Variants in CTIF observed in about 807,000 individuals in gnomAD.
The protein encoded by CTIF is CBP80/20-dependent translation initiation factor.
In CTIF, 21 loss-of-function variants were observed where a neutral mutation model predicts 66.0. The ratio of observed to expected loss-of-function variants is 0.32; its 90% CI spans 0.23 to 0.46. The LOEUF (loss-of-function observed/expected upper bound fraction) is 0.46. CTIF is among the 20% of genes least tolerant of loss of function. The pLI is 1.00. For synonymous variants in CTIF, 345 were observed against 326.4 expected (o/e 1.06, Z -0.62); for missense variants, 739 against 812.7 (o/e 0.91, Z 1.10).
At chr18:48,730,314 TCTGCGGTGTGAGGGGCCC>T (rs1193522093) in intron 7 of CTIF, among the ~76,000 whole-genome samples, 26 of 94,654 alleles carry the variant, frequency 2.7e-4, no homozygotes, top group Non-Finnish European at 4.3e-4. Flanking sequence ...GTGAGGGGCT[TCTGCGGTGTGAGGGGCCC>T]CTGCGGTGTG....
At chr18:48,580,544 C>CTCACG in intron 1 of CTIF, among the ~76,000 whole-genome samples, 1 of 152,202 alleles carries the variant, frequency 6.6e-6, no homozygotes, top group African/African-American at 2.4e-5. Flanking sequence ...TCTACACATC[C>CTCACG]TGAAGTTTAA....
At chr18:48,637,049 C>T (rs940218573) in intron 3 of CTIF, among the ~76,000 whole-genome samples, 1 of 152,218 alleles carries the variant, frequency 6.6e-6, no homozygotes, top group Admixed American at 6.5e-5. Flanking sequence ...CAGGTACCGA[C>T]ATTGCAGCCC....
chr18:48,630,386 T>G (rs1053365134), intron 2 of CTIF, among the ~76,000 whole-genome samples: 3 of 152,202 alleles, frequency 2.0e-5, no homozygotes, highest in African/African-American at 7.2e-5. Flanking sequence ...AGTTTGAAAT[T>G]TTGATGTAGT....
intron 1 of CTIF, among the ~76,000 whole-genome samples, chr18:48,614,864 G>A (rs530761697): frequency 6.6e-6 from 1 of 152,154 alleles, no homozygotes; most frequent in South Asian, 2.1e-4. Context: ...GTTTGGTTTG[G>A]TTGGTTGGTT....
intron 3 of CTIF, among the ~76,000 whole-genome samples, chr18:48,653,465 G>A (rs1233905419): frequency 6.6e-6 from 1 of 152,146 alleles, no homozygotes; most frequent in African/African-American, 2.4e-5. Context: ...ACTACTCAAT[G>A]AAATAAAAGA....
intron 9 of CTIF, among the ~76,000 whole-genome samples, chr18:48,776,685 C>T (rs958437029): frequency 7.2e-5 from 11 of 152,238 alleles, no homozygotes. Flanking sequence ...CTGTCTGCCT[C>T]GCACAGCCCC....
intron 7 of CTIF, among the ~76,000 whole-genome samples, chr18:48,745,210 C>T (rs1304302212): frequency 6.6e-6 from 1 of 152,090 alleles, no homozygotes; most frequent in African/African-American, 2.4e-5. Flanking sequence ...GGTCCCTCAG[C>T]GTCGGTTTCT....
intron 1 of CTIF, among the ~76,000 whole-genome samples, chr18:48,552,610 A>T (rs1329831517): frequency 6.6e-6 from 1 of 152,142 alleles, no homozygotes; most frequent in Non-Finnish European, 1.5e-5. Context: ...CTCATTCATG[A>T]GGCTCTGCCC....
At chr18:48,636,104 G>A (rs773423716) in intron 2 of CTIF, among the ~76,000 whole-genome samples, 1 of 152,226 alleles carries the variant, frequency 6.6e-6, no homozygotes, top group African/African-American at 2.4e-5. Context: ...GGGGATGTGA[G>A]TGGCAGGGCT....
chr18:48,575,838 C>A (rs1200864897), intron 1 of CTIF, among the ~76,000 whole-genome samples: 2 of 152,260 alleles, frequency 1.3e-5, no homozygotes, highest in African/African-American at 2.4e-5. Flanking sequence ...CCCCGTGCAG[C>A]CTTCTCTCTC....
intron 1 of CTIF, among the ~76,000 whole-genome samples, chr18:48,612,347 T>C (rs1246788603): frequency 6.6e-6 from 1 of 152,224 alleles, no homozygotes; most frequent in African/African-American, 2.4e-5. Flanking sequence ...GCATGGCCTC[T>C]GGACTGGCCC....
intron 7 of CTIF, among the ~76,000 whole-genome samples, chr18:48,753,280 G>A (rs998073070): frequency 2.6e-5 from 4 of 152,200 alleles, no homozygotes; most frequent in African/African-American, 4.8e-5. Flanking sequence ...GTGGTAAAAT[G>A]TCCGACATGG....
chr18:48,722,958 A>C (rs1267518296), intron 7 of CTIF, among the ~76,000 whole-genome samples: 2 of 152,218 alleles, frequency 1.3e-5, no homozygotes, highest in Admixed American at 1.3e-4. Context: ...ATTCACAAGC[A>C]CTTCCAGAGC....
intron 1 of CTIF, among the ~76,000 whole-genome samples, chr18:48,551,069 C>T (rs2088870436): frequency 6.6e-6 from 1 of 150,500 alleles, no homozygotes; most frequent in Admixed American, 6.7e-5. Context: ...GGATTGGTGG[C>T]CAGGCCTTTA....
intron 9 of CTIF, among the ~76,000 whole-genome samples, chr18:48,776,927 G>A (rs1394867052): frequency 3.9e-5 from 6 of 152,182 alleles, no homozygotes; most frequent in Non-Finnish European, 5.9e-5. Context: ...CTGGCTGGGC[G>A]ACCTCAGGCC....
Position 48,568,633 on chromosome 18 carries a change from T to TAAAAAAAAAAAAAAAAAAAAAAAAA in CTIF, c.-29+29332_-29+29356dup, listed in dbSNP as rs58084631. Among the ~76,000 whole-genome samples, 12 of 36,642 alleles carry TAAAAAAAAAAAAAAAAAAAAAAAAA rather than the reference T, an allele frequency of 3.3e-4. 2 individuals are homozygous for TAAAAAAAAAAAAAAAAAAAAAAAAA. In the East Asian group the frequency reaches 3.4e-3, roughly 10 times the overall value. The allele number at this position is 36,642 out of a possible 152,430, so 24.0% of individuals were successfully genotyped here. Reference sequence around the variant, plus strand: ...GAAATACCTGAGACTGGGCAATTTGTAAAAAAAAAAAAAAAAAAAAAAAAA... The same window carrying TAAAAAAAAAAAAAAAAAAAAAAAAA: ...GAAATACCTGAGACTGGGCAATTTGTAAAAAAAAAAAAAAAAAAAAAAAAAAAAAAAAAAAAAAAAAAAAAAAAAA... On this transcript the variant is annotated intron_variant, in intron 1 of 11. Coordinates refer to ENST00000256413, the MANE Select transcript of CTIF (RefSeq NM_014772.3).
intron 10 of CTIF, among the ~76,000 whole-genome samples, chr18:48,833,665 A>C (rs1015687566): frequency 2.4e-4 from 37 of 152,212 alleles, no homozygotes; most frequent in African/African-American, 8.9e-4. Flanking sequence ...AAGGAACAAA[A>C]AGGGTGCTTG....
chr18:48,619,791 G>A lies in CTIF; in HGVS notation c.180+46G>A, dbSNP rs760188205. 1.9e-5 allele frequency: 27 copies of A among 1,451,704 alleles called. No homozygotes were observed. The African/African-American group carries it at 3.1e-4, about 17-fold the overall frequency. 89.9% of individuals were successfully genotyped at this position (1,451,704 alleles called of 1,614,324 possible). On this transcript the variant is annotated intron_variant, in intron 2 of 11. Coordinates refer to ENST00000256413, the MANE Select transcript of CTIF (RefSeq NM_014772.3). ...GGGGCAGCTTGGGAAATTCAGAGGG[G>A]GTGATGCAGGAGCCCCTAATTCTGG...
rs931188805 is a variant in CTIF, at chr18:48,549,304, T to G, written c.-29+9992T>G. On this transcript the variant is annotated intron_variant, in intron 1 of 11. Transcript: ENST00000256413. ...AGTTTACAGCCACAGGGTTCTATCT[T>G]ATATCTCACCATGATCTCAGTTTGG... is the stretch of plus-strand genomic sequence containing the variant. Among the ~76,000 whole-genome samples, 14 of 152,300 alleles carry G rather than the reference T, an allele frequency of 9.2e-5. No homozygotes were observed. The South Asian group carries it at 1.2e-3, about 14-fold the overall frequency.
Sources: allele counts gnomAD v4.1 joint callset (sites outside exome capture counted in the v4.1 genomes callset), GRCh38; gene constraint gnomAD v4.1.1; transcripts MANE v1.5; gene names NCBI Gene and HGNC (gene_info 2026-07-23, HGNC 2026-07-21).